The following LRRC4C variants were observed in gnomAD, a reference collection of about 807,000 sequenced individuals.
The protein encoded by LRRC4C is leucine-rich repeat-containing protein 4C.
Under a neutral mutation model 33.6 loss-of-function variants are expected in LRRC4C, and 5 were observed. The observed-to-expected ratio is 0.15, with a 90% CI of 0.08 to 0.31. LRRC4C has a LOEUF of 0.31. Ranked by LOEUF, LRRC4C falls within the 10% of genes least tolerant of loss-of-function variation. The pLI, the probability that LRRC4C is intolerant of heterozygous loss-of-function variation, is 1.00. For synonymous variants in LRRC4C, 329 were observed against 302.0 expected, an observed-to-expected ratio of 1.09 and a Z score of -0.93; for missense variants, 560 against 796.7, an observed-to-expected ratio of 0.70 and a Z score of 3.58.
intron 2 of LRRC4C, among the ~76,000 whole-genome samples, chr11:40,683,844 A>G (rs1170290054): frequency 6.6e-6 from 1 of 152,194 alleles, no homozygotes; most frequent in Non-Finnish European, 1.5e-5. Flanking sequence ...CATACCAAAG[A>G]TTTGAAAAGG....
intron 2 of LRRC4C, among the ~76,000 whole-genome samples, chr11:40,806,737 T>A (rs1469223061): frequency 6.6e-6 from 1 of 152,222 alleles, no homozygotes; most frequent in African/African-American, 2.4e-5. Context: ...TTTTACTTCA[T>A]TTTAGTCCCA....
At chr11:41,001,050 AGT>A (rs201868462) in intron 1 of LRRC4C, among the ~76,000 whole-genome samples, 2 of 152,130 alleles carry the variant, frequency 1.3e-5, no homozygotes, top group African/African-American at 4.8e-5. Flanking sequence ...TGAAAGACAG[AGT>A]TATTTTATTG....
chr11:41,184,849 C>T (rs368170359), intron 1 of LRRC4C, among the ~76,000 whole-genome samples: 28 of 147,496 alleles, frequency 1.9e-4, no homozygotes, highest in Non-Finnish European at 4.2e-4. Flanking sequence ...AATGGACTTA[C>T]AGTTCCACAT....
At chr11:41,129,377 C>T (rs1373619944) in intron 1 of LRRC4C, among the ~76,000 whole-genome samples, 1 of 151,872 alleles carries the variant, frequency 6.6e-6, no homozygotes, top group Non-Finnish European at 1.5e-5. Flanking sequence ...TATGCTTTCT[C>T]CTAAATATAC....
intron 1 of LRRC4C, among the ~76,000 whole-genome samples, chr11:40,936,479 G>T (rs1264544791): frequency 6.6e-6 from 1 of 151,428 alleles, no homozygotes; most frequent in Admixed American, 6.6e-5. Context: ...TGGGACTACA[G>T]GCGCCCGCCA....
At chr11:41,426,634 T>C (rs548579975) in intron 1 of LRRC4C, 37 of 152,326 alleles carry the variant, frequency 2.4e-4, no homozygotes, top group African/African-American at 6.3e-4. Context: ...CATGGTTTAG[T>C]ATTAGCTAAA....
intron 1 of LRRC4C, among the ~76,000 whole-genome samples, chr11:41,309,542 T>C (rs1950592656): frequency 6.6e-6 from 1 of 152,204 alleles, no homozygotes; most frequent in African/African-American, 2.4e-5. Flanking sequence ...TTAAAACTCA[T>C]GTACACAGTT....
intron 6 of LRRC4C, among the ~76,000 whole-genome samples, chr11:40,139,466 T>C (rs573563963): frequency 1.3e-5 from 2 of 152,366 alleles, no homozygotes; most frequent in South Asian, 4.1e-4. Context: ...AATCATTAAC[T>C]TCATGTGCAT....
At chr11:40,351,914 A>G (rs926862008) in intron 3 of LRRC4C, among the ~76,000 whole-genome samples, 2 of 151,882 alleles carry the variant, frequency 1.3e-5, no homozygotes, top group Non-Finnish European at 2.9e-5. Context: ...GTGTGCCTTT[A>G]TAGATGTTAC....
At chr11:40,249,629 C>T (rs1866619401) in intron 4 of LRRC4C, among the ~76,000 whole-genome samples, 1 of 150,916 alleles carries the variant, frequency 6.6e-6, no homozygotes, top group Admixed American at 6.6e-5. Flanking sequence ...TACACATGCC[C>T]ACACGAAAAG....
chr11:40,617,437 T>C (rs1961974787), intron 3 of LRRC4C, among the ~76,000 whole-genome samples: 1 of 151,698 alleles, frequency 6.6e-6, no homozygotes, highest in Non-Finnish European at 1.5e-5. Flanking sequence ...ACATTGCTTC[T>C]AGCTGTAGTG....
At chr11:41,365,044 G>A (rs1028616527) in intron 1 of LRRC4C, among the ~76,000 whole-genome samples, 2 of 152,086 alleles carry the variant, frequency 1.3e-5, no homozygotes, top group African/African-American at 4.8e-5. Flanking sequence ...AATCATGGAC[G>A]AGTACCAGTT....
At chr11:41,312,910 A>G (rs7123093) in intron 1 of LRRC4C, among the ~76,000 whole-genome samples, 17,646 of 152,242 alleles carry the variant, frequency 0.12, 1,147 homozygotes, top group South Asian at 0.21. Flanking sequence ...TCCATCAATG[A>G]GTGTCCACAT....
chr11:40,501,635 G>A (rs1436039748), intron 3 of LRRC4C, among the ~76,000 whole-genome samples: 2 of 152,108 alleles, frequency 1.3e-5, no homozygotes, highest in East Asian at 3.9e-4. Context: ...GAGTGGCTGG[G>A]AAGCAGGGCA....
At chr11:41,406,975 A>C (rs1408435874) in intron 1 of LRRC4C, among the ~76,000 whole-genome samples, 1 of 152,164 alleles carries the variant, frequency 6.6e-6, no homozygotes, top group Admixed American at 6.6e-5. Flanking sequence ...ATTGTTTATA[A>C]AAGGGAAAAA....
chr11:41,251,716 T>C (rs761082746), intron 1 of LRRC4C, among the ~76,000 whole-genome samples: 2 of 152,204 alleles, frequency 1.3e-5, no homozygotes, highest in Non-Finnish European at 2.9e-5. Flanking sequence ...GCCTCTTCAC[T>C]ACAGCTGAGT....
chr11:41,356,191 C>G (rs564023988), intron 1 of LRRC4C, among the ~76,000 whole-genome samples: 4 of 152,218 alleles, frequency 2.6e-5, no homozygotes, highest in African/African-American at 9.6e-5. Flanking sequence ...GCTAGACCCA[C>G]CCATTCCCAA....
In LRRC4C at chr11:40,952,896, A is replaced by ACT. The variant is rs35019678; in HGVS notation, c.-495-19175_-495-19174dup. 4.0e-3 allele frequency among the ~76,000 whole-genome samples: 279 copies of ACT among 70,178 alleles called. 2 individuals carry two copies. The highest frequency in any genetic ancestry group is 0.01 in the African/African-American group (207 of 20,356). The allele number at this position is 70,178 out of a possible 152,430, so 46.0% of individuals were successfully genotyped here. A position where few individuals can be genotyped will look rare whatever the true frequency, so the allele number is the denominator to read the frequency against. ...CACACACACACACACACACACACAC[A>ACT]CTCTCTCTCTCTCTCTCTCTCTCTC... On this transcript the variant is annotated intron_variant, in intron 1 of 6. Coordinates refer to ENST00000528697, the MANE Select transcript of LRRC4C (RefSeq NM_001258419.2).
intron 1 of LRRC4C, among the ~76,000 whole-genome samples, chr11:41,361,242 C>T (rs961569241): frequency 1.3e-5 from 2 of 152,144 alleles, no homozygotes; most frequent in African/African-American, 4.8e-5. Context: ...TTTGGCTTTA[C>T]CTTGTCTATT....
Sources: allele counts gnomAD v4.1 joint callset (sites outside exome capture counted in the v4.1 genomes callset), GRCh38; gene constraint gnomAD v4.1.1; transcripts MANE v1.5; gene names NCBI Gene and HGNC (gene_info 2026-07-23, HGNC 2026-07-21).